Variants in SYCP2 observed in about 807,000 individuals in gnomAD.
SYCP2 encodes synaptonemal complex protein 2.
Under a neutral mutation model 211.3 loss-of-function variants are expected in SYCP2, and 55 were observed. The observed-to-expected ratio is 0.26, with a 90% CI of 0.21 to 0.33. The LOEUF (loss-of-function observed/expected upper bound fraction) is 0.33. Among genes scored for constraint, SYCP2 ranks in the 10% least tolerant of loss-of-function variants. SYCP2 has a pLI of 1.00. For synonymous variants in SYCP2, 570 were observed against 555.2 expected (o/e 1.03, Z -0.37); for missense variants, 1,731 against 1,752.0 (o/e 0.99, Z 0.21).
Position 59,895,525 on chromosome 20 carries a change from G to A in SYCP2, c.1577C>T (p.Ser526Phe). The change falls in exon 20 of 45, where the codon TCT becomes TTT. Residue 526 changes from serine to phenylalanine, a missense_variant. Transcript: ENST00000357552. The stretch of plus-strand genomic sequence containing the variant: ...ATCCACTCTATTTTCTGATGTTTGA[G>A]AAACACTAGGTTTCTCTGCAGAGCT... Reference protein sequence around the residue: ...MTSSAEKPSVSQTSENRVDNA... With the variant: ...MTSSAEKPSVFQTSENRVDNA... The A allele has an allele frequency of 6.2e-7, 1 of 1,612,400 alleles. No individual in the cohort carries two copies. The highest frequency in any genetic ancestry group is 2.2e-5 in the East Asian group (1 of 44,804).
chr20:59,892,262 T>C lies in SYCP2; in HGVS notation c.2092A>G (p.Asn698Asp). The C allele has an allele frequency of 6.2e-7, 1 of 1,612,900 alleles. No individual in the cohort carries two copies. The change falls in exon 24 of 45, where the codon AAT becomes GAT. Residue 698 changes from asparagine to aspartate, a missense_variant. Coordinates refer to ENST00000357552, the MANE Select transcript of SYCP2 (RefSeq NM_014258.4). ...EVCKKHNQQQ[N>D]HPKYSGQKNT... ...TTCTGCCCTGAATATTTAGGATGAT[T>C]TTGTTGCTGATTGTGTTTCTTGCAA...
intron 39 of SYCP2, 27 bp from the exon 40 acceptor site, chr20:59,866,616 AAT>A (rs1568898941): frequency 6.7e-7 from 1 of 1,487,574 alleles, no homozygotes; most frequent in Admixed American, 2.0e-5. Flanking sequence ...TTTAAGTTAA[AAT>A]ATCTTTACAA....
In SYCP2 at chr20:59,916,577, T is replaced by G; in HGVS notation, c.428-6A>C. 1.3e-6 allele frequency: 2 copies of G among 1,545,854 alleles called. No individual in the cohort carries two copies. The highest frequency in any genetic ancestry group is 1.8e-6 in the Non-Finnish European group (2 of 1,118,220). On this transcript the variant is annotated splice_region_variant and splice_polypyrimidine_tract_variant and intron_variant, in intron 7 of 44. Transcript: ENST00000357552. Reference sequence around the variant, plus strand: ...TTCCACTACTTGTTTTTTACCTGAATAAAAGTGTTAAATTATTGATAAATG... The same window carrying G: ...TTCCACTACTTGTTTTTTACCTGAAGAAAAGTGTTAAATTATTGATAAATG...
At chr20:59,915,948 C>A (rs770153036) in intron 8 of SYCP2, among the ~76,000 whole-genome samples, 1 of 151,880 alleles carries the variant, frequency 6.6e-6, no homozygotes, top group Non-Finnish European at 1.5e-5. Context: ...GCTGAGATTG[C>A]GCCACTGCAC....
intron 23 of SYCP2, 68 bp from the exon 24 acceptor site, chr20:59,892,494 T>G: frequency 6.6e-7 from 1 of 1,510,612 alleles, no homozygotes; most frequent in Non-Finnish European, 8.9e-7. Context: ...ATTTGTTAAA[T>G]TTGTTTTAAT....
At chr20:59,873,460 G>A (rs2059492507) in intron 35 of SYCP2, among the ~76,000 whole-genome samples, 1 of 152,142 alleles carries the variant, frequency 6.6e-6, no homozygotes, top group Non-Finnish European at 1.5e-5. Flanking sequence ...GGGACAGAGT[G>A]GATGGCTCAA....
intron 21 of SYCP2, 36 bp downstream of exon 21, chr20:59,893,488 T>TA (rs1470915410): frequency 1.1e-5 from 16 of 1,405,752 alleles, no homozygotes; most frequent in South Asian, 7.2e-5. Flanking sequence ...TACATTTTCT[T>TA]AAAAAAATGA....
intron 20 of SYCP2, 25 bp from the exon 21 acceptor site, chr20:59,893,618 C>A: frequency 6.4e-7 from 1 of 1,558,134 alleles, no homozygotes; most frequent in African/African-American, 1.4e-5. Flanking sequence ...AACAGGTTAA[C>A]GTAAACTTAA....
chr20:59,870,175 CA>C (rs1369317849), intron 35 of SYCP2, among the ~76,000 whole-genome samples, 192 bp from the exon 36 acceptor site: 6 of 151,568 alleles, frequency 4.0e-5, no homozygotes, highest in African/African-American at 1.2e-4. Flanking sequence ...CTTTGATGAC[CA>C]AAACCTGTAG....
chr20:59,898,743 TA>T (rs535388279), intron 18 of SYCP2, among the ~76,000 whole-genome samples: 79 of 151,474 alleles, frequency 5.2e-4, no homozygotes, highest in African/African-American at 1.9e-3. Context: ...TAAAATGTTT[TA>T]AAAAGGAAAG....
chr20:59,868,604 A>G (rs766583210), intron 37 of SYCP2, 36 bp from the exon 38 acceptor site: 12 of 1,538,206 alleles, frequency 7.8e-6, no homozygotes, highest in Admixed American at 2.4e-5. Flanking sequence ...AAGCGCTGCA[A>G]TTTTCATTAA....
intron 28 of SYCP2, 60 bp from the exon 29 acceptor site, chr20:59,881,552 G>C: frequency 1.2e-6 from 1 of 817,846 alleles, no homozygotes; most frequent in Non-Finnish European, 1.9e-6. Flanking sequence ...AAGATTAAAA[G>C]GAATAAACAT....
chr20:59,870,780 G>C (rs1471861884), intron 35 of SYCP2, among the ~76,000 whole-genome samples: 2 of 151,786 alleles, frequency 1.3e-5, no homozygotes, highest in Non-Finnish European at 2.9e-5. Flanking sequence ...AAACAGGCCA[G>C]TAAACAGTAA....
chr20:59,889,811 A>G (rs558511647), intron 24 of SYCP2, among the ~76,000 whole-genome samples: 32 of 152,170 alleles, frequency 2.1e-4, no homozygotes, highest in Middle Eastern at 6.8e-3. Flanking sequence ...GGGTGATCCA[A>G]TAAGTAGAAA....
chr20:59,911,864 A>T lies in SYCP2; in HGVS notation c.877-19T>A. ...TTTGCAGCTAATAAAATAAACATAC[A>T]AAACTGGAATATACAATGATTTTAG... On this transcript the variant is annotated intron_variant, in intron 13 of 44. Coordinates refer to ENST00000357552, the MANE Select transcript of SYCP2 (RefSeq NM_014258.4). 1 of 1,298,064 alleles carries T rather than the reference A, an allele frequency of 7.7e-7. No homozygotes were observed. The highest frequency in any genetic ancestry group is 1.1e-6 in the Non-Finnish European group (1 of 918,860). The allele number at this position is 1,298,064 out of a possible 1,614,324, so 80.4% of individuals were successfully genotyped here.
intron 18 of SYCP2, among the ~76,000 whole-genome samples, chr20:59,899,808 A>G (rs1017020674): frequency 6.6e-6 from 1 of 152,290 alleles, no homozygotes; most frequent in Non-Finnish European, 1.5e-5. Flanking sequence ...TCATGCAAAT[A>G]AACAGAACAT....
chr20:59,927,717 G>A (rs1278928537), intron 2 of SYCP2, among the ~76,000 whole-genome samples: 1 of 151,836 alleles, frequency 6.6e-6, no homozygotes, highest in Admixed American at 6.6e-5. Context: ...GTATACCATC[G>A]GCCTCTCTCT....
rs145340907 is a variant in SYCP2 at position 59,908,543 on chromosome 20, T to G, written c.973-1119A>C. ...TTGCTCCTTTGAGGAATATCTCAGT[T>G]GGCATACTCTATTCCCAATAATTGT... On this transcript the variant is annotated intron_variant, in intron 14 of 44. Transcript: ENST00000357552. 1.7e-4 allele frequency among the ~76,000 whole-genome samples: 26 copies of G among 152,294 alleles called. No homozygotes were observed. The East Asian group carries it at 5.0e-3, about 29-fold the overall frequency.
At position 59,912,415 on chromosome 20, in the gene SYCP2, G is replaced by A; in HGVS notation, c.834C>T (p.Val278=). The A allele has an allele frequency of 9.4e-7, 1 of 1,065,940 alleles. No individual in the cohort carries two copies. The highest frequency in any genetic ancestry group is 1.4e-6 in the Non-Finnish European group (1 of 738,400). 66.0% of individuals were successfully genotyped at this position (1,065,940 alleles called of 1,614,324 possible). A position where few individuals can be genotyped will look rare whatever the true frequency, so the allele number is the denominator to read the frequency against. The part of the protein sequence containing the change: ...VNGMLGDKRR[V]FTFPCLSAFL... Reference sequence around the variant, plus strand: ...ATGCTGATAAACAAGGAAATGTAAAGACCCTGAAATAAAAAGTAGTTTAAG... The same window carrying A: ...ATGCTGATAAACAAGGAAATGTAAAAACCCTGAAATAAAAAGTAGTTTAAG... The change falls in exon 13 of 45, where the codon GTC becomes GTT. Residue 278 remains valine, a synonymous_variant. Coordinates refer to ENST00000357552, the MANE Select transcript of SYCP2 (RefSeq NM_014258.4).
Sources: gnomAD v4.1 joint callset for allele counts (sites outside exome capture counted in the v4.1 genomes callset) on GRCh38, gnomAD v4.1.1 for gene constraint, MANE v1.5 for transcripts, NCBI Gene and HGNC (gene_info 2026-07-23, HGNC 2026-07-21) for gene names.